The following SGCD variants were observed in gnomAD, a reference collection of about 807,000 sequenced individuals.
SGCD encodes the protein delta-sarcoglycan.
A neutral mutation model predicts 36.6 loss-of-function variants in SGCD; 18 were observed. The ratio of observed to expected loss-of-function variants is 0.49; its 90% CI spans 0.34 to 0.73. The LOEUF (loss-of-function observed/expected upper bound fraction) is 0.73. SGCD is among the 30% of genes least tolerant of loss of function. The pLI is 0.01. For missense variants in SGCD, 387 were observed against 346.7 expected (o/e 1.12, Z -0.92); for synonymous variants, 133 against 130.6 (o/e 1.02, Z -0.12).
intron 3 of SGCD, among the ~76,000 whole-genome samples, chr5:156,207,377 A>G (rs1162232017): frequency 6.6e-6 from 1 of 152,196 alleles, no homozygotes; most frequent in African/African-American, 2.4e-5. Context: ...TCTGGACCTC[A>G]ATTTTTCAAA....
At chr5:156,404,061 C>T (rs1282058240) in intron 3 of SGCD, among the ~76,000 whole-genome samples, 2 of 152,100 alleles carry the variant, frequency 1.3e-5, no homozygotes, top group East Asian at 3.9e-4. Context: ...TCTGGAACTC[C>T]TGACCTCAAA....
At chr5:156,148,120 T>A (rs1048377074) in intron 3 of SGCD, among the ~76,000 whole-genome samples, 2 of 152,156 alleles carry the variant, frequency 1.3e-5, no homozygotes, top group Non-Finnish European at 2.9e-5. Context: ...GAAAAAAGAA[T>A]GTGTGTCTTC....
chr5:156,532,706 C>T (rs1581127174), intron 4 of SGCD, among the ~76,000 whole-genome samples: 1 of 152,244 alleles, frequency 6.6e-6, no homozygotes, highest in South Asian at 2.1e-4. Flanking sequence ...CATGATCTGC[C>T]CACCTCGGCC....
intron 3 of SGCD, among the ~76,000 whole-genome samples, chr5:156,411,541 T>G (rs986399145): frequency 1.1e-4 from 17 of 152,262 alleles, no homozygotes; most frequent in Non-Finnish European, 2.2e-4. Flanking sequence ...TGGCTCTGCC[T>G]GTTGTATGCT....
At chr5:155,886,659 T>C (rs909550918) in intron 1 of SGCD, among the ~76,000 whole-genome samples, 13 of 152,326 alleles carry the variant, frequency 8.5e-5, no homozygotes, top group African/African-American at 3.1e-4. Context: ...CAAAAGGATA[T>C]TCCTGTAGAA....
intron 3 of SGCD, among the ~76,000 whole-genome samples, chr5:156,139,722 G>A (rs1156234459): frequency 2.0e-5 from 3 of 152,286 alleles, no homozygotes; most frequent in African/African-American, 7.2e-5. Context: ...AATAAGAAAT[G>A]ACTATTGAAC....
At chr5:155,789,104 G>A in the SGCD span, among the ~76,000 whole-genome samples, 2 of 152,106 alleles carry the variant, frequency 1.3e-5, no homozygotes, top group South Asian at 4.1e-4. Flanking sequence ...TAGGCAAGTA[G>A]GGATTATCAA....
At chr5:156,604,107 T>C (rs1033070976) in intron 6 of SGCD, among the ~76,000 whole-genome samples, 1 of 152,064 alleles carries the variant, frequency 6.6e-6, no homozygotes, top group African/African-American at 2.4e-5. Flanking sequence ...ACAATTGTTA[T>C]ATCTTCTTGT....
intron 3 of SGCD, among the ~76,000 whole-genome samples, chr5:156,385,629 A>T (rs2127750952): frequency 6.6e-6 from 1 of 152,272 alleles, no homozygotes; most frequent in South Asian, 2.1e-4. Flanking sequence ...CCATCTGGGA[A>T]CTCTCTCTGG....
intron 3 of SGCD, among the ~76,000 whole-genome samples, chr5:156,315,775 A>T (rs1767502087): frequency 6.6e-6 from 1 of 151,900 alleles, no homozygotes. Flanking sequence ...GAGATAACTC[A>T]TTGTGCTTTT....
At chr5:155,907,270 A>G (rs1384179731) in intron 1 of SGCD, among the ~76,000 whole-genome samples, 2 of 152,148 alleles carry the variant, frequency 1.3e-5, no homozygotes, top group Admixed American at 6.6e-5. Context: ...GCACTTGCTT[A>G]CCTAAGATCC....
rs151077690 is a variant in SGCD, at chr5:156,543,606, T to C, written c.294+34904T>C. Among the ~76,000 whole-genome samples the C allele has an allele frequency of 3.4e-3, 520 of 152,280 alleles. 4 individuals are homozygous for C. The highest frequency in any genetic ancestry group is 0.012 in the African/African-American group (491 of 41,548). Reference sequence around the variant, plus strand: ...TCTGCAAAAGAGGTAGCAACAATGCTGGACACATGGGTTTGCTGTGAGGAT... The same window carrying C: ...TCTGCAAAAGAGGTAGCAACAATGCCGGACACATGGGTTTGCTGTGAGGAT... On this transcript the variant is annotated intron_variant, in intron 4 of 8. Transcript: ENST00000337851.
rs535329023 is a variant in SGCD at position 156,285,599 on chromosome 5, A to G, written c.-43-43935A>G. On this transcript the variant is annotated intron_variant, in intron 3 of 9. Coordinates refer to the SGCD transcript ENST00000517913. ...AAGGATTCCATATTTAATAAATGGT[A>G]CTGGGAAAACTGGCTAGCCATATGT... 2.8e-4 allele frequency among the ~76,000 whole-genome samples: 42 copies of G among 152,214 alleles called. No individual in the cohort carries two copies. The South Asian group carries it at 3.9e-3, about 14-fold the overall frequency.
chr5:156,240,909 G>A (rs546952779), intron 3 of SGCD, among the ~76,000 whole-genome samples: 1 of 152,278 alleles, frequency 6.6e-6, no homozygotes, highest in South Asian at 2.1e-4. Context: ...ATCAGTATTT[G>A]AGAAGTTGAA....
At chr5:155,850,418 CAG>C in the SGCD span, among the ~76,000 whole-genome samples, 93 of 147,882 alleles carry the variant, frequency 6.3e-4, no homozygotes, top group Middle Eastern at 7.0e-3. Context: ...GAGACAGAGA[CAG>C]AGAGAGAGAG....
intron 3 of SGCD, among the ~76,000 whole-genome samples, chr5:156,214,103 T>C (rs1196013404): frequency 2.6e-5 from 4 of 151,890 alleles, no homozygotes; most frequent in African/African-American, 9.7e-5. Flanking sequence ...AGTCCTAGCC[T>C]GGGTAAGTAG....
At chr5:155,789,461 C>G in the SGCD span, among the ~76,000 whole-genome samples, 11,122 of 152,038 alleles carry the variant, frequency 0.073, 552 homozygotes, top group Middle Eastern at 0.12. Context: ...AGAAACACAG[C>G]TTTATTACTT....
intron 3 of SGCD, among the ~76,000 whole-genome samples, chr5:156,497,815 C>G (rs746038485): frequency 1.2e-4 from 19 of 152,218 alleles, no homozygotes; most frequent in Non-Finnish European, 1.8e-4. Flanking sequence ...AAAGGATCAG[C>G]AGCTGTGACC....
intron 1 of SGCD, among the ~76,000 whole-genome samples, chr5:155,974,809 C>T (rs1371274021): frequency 2.0e-5 from 3 of 151,964 alleles, no homozygotes; most frequent in Admixed American, 2.0e-4. Flanking sequence ...GGGATATCCC[C>T]GTGGAGAATG....
Sources: gnomAD v4.1 joint callset for allele counts (sites outside exome capture counted in the v4.1 genomes callset) on GRCh38, gnomAD v4.1.1 for gene constraint, MANE v1.5 for transcripts, NCBI Gene and HGNC (gene_info 2026-07-23, HGNC 2026-07-21) for gene names.